HECTD4: variants seen among roughly 807,000 people sequenced by gnomAD.
HECTD4 encodes the protein HECT domain E3 ubiquitin protein ligase 4.
HECTD4 carries 114 observed loss-of-function variants against 471.5 expected under a neutral mutation model. The ratio of observed to expected loss-of-function variants is 0.24; its 90% CI spans 0.21 to 0.28. HECTD4 has a LOEUF of 0.28. Among genes scored for constraint, HECTD4 ranks in the 10% least tolerant of loss-of-function variants. The pLI is 1.00. For missense variants in HECTD4, 3,866 were observed against 5,651.5 expected (o/e 0.68, Z 10.13); for synonymous variants, 2,012 against 2,256.0 (o/e 0.89, Z 3.07).
chr12:112,270,598 A>G, intron 11 of HECTD4, 139 bp from the exon 12 acceptor site: 1 of 710,422 alleles, frequency 1.4e-6, no homozygotes, highest in Non-Finnish European at 2.4e-6. Flanking sequence ...GCTGCCAGAG[A>G]ACGCTTCTCC....
At chr12:112,299,272 A>C (rs1245338449) in intron 7 of HECTD4, among the ~76,000 whole-genome samples, 3 of 152,122 alleles carry the variant, frequency 2.0e-5, no homozygotes. Flanking sequence ...TTCACTAAGC[A>C]TCTTTAAAAA....
At chr12:112,288,881 C>A (rs772693349) in intron 7 of HECTD4, among the ~76,000 whole-genome samples, 6 of 152,120 alleles carry the variant, frequency 3.9e-5, no homozygotes, top group Non-Finnish European at 8.8e-5. Flanking sequence ...CCCAGCTGAG[C>A]CCCATCAACC....
chr12:112,363,992 C>CAAAAAA (rs1175386198), intron 1 of HECTD4, among the ~76,000 whole-genome samples: 5 of 52,860 alleles, frequency 9.5e-5, no homozygotes, highest in Non-Finnish European at 1.8e-4. Context: ...ACTCAATCTC[C>CAAAAAA]AAAAAAAAAA....
chr12:112,200,117 G>C (rs1349447519), intron 55 of HECTD4, among the ~76,000 whole-genome samples: 1 of 151,992 alleles, frequency 6.6e-6, no homozygotes, highest in South Asian at 2.1e-4. Flanking sequence ...ATCACAGCAG[G>C]GTGCATGTTG....
At chr12:112,318,986 T>C (rs147206169) in intron 2 of HECTD4, among the ~76,000 whole-genome samples, 15 of 152,386 alleles carry the variant, frequency 9.8e-5, no homozygotes, top group African/African-American at 3.4e-4. Flanking sequence ...CTGGTTAAGA[T>C]GTTATCATGG....
rs1483768915 is a variant in HECTD4 at position 112,276,763 on chromosome 12, TGG to T, written c.1688-1805_1688-1804del. Reference sequence around the variant, plus strand: ...CTGGCCAAAAAACCCAATCTTTAAATGGATAAAAGACTTTGGAGGAATAGATA... The same window carrying T: ...CTGGCCAAAAAACCCAATCTTTAAATATAAAAGACTTTGGAGGAATAGATA... On this transcript the variant is annotated intron_variant, in intron 9 of 75. Transcript: ENST00000682272. Among the ~76,000 whole-genome samples, 44 of 152,190 alleles carry T rather than the reference TGG, an allele frequency of 2.9e-4. No individual in the cohort carries two copies. In the East Asian group the frequency reaches 5.0e-3, roughly 17 times the overall value.
At chr12:112,251,571 A>G (rs140453745) in intron 23 of HECTD4, among the ~76,000 whole-genome samples, 140 of 152,288 alleles carry the variant, frequency 9.2e-4, no homozygotes, top group African/African-American at 3.0e-3. Flanking sequence ...TGTGCCAGCC[A>G]TTGTTCTAGG....
At chr12:112,204,070 CCTTG>C (rs2032505858) in intron 53 of HECTD4, among the ~76,000 whole-genome samples, 1 of 152,150 alleles carries the variant, frequency 6.6e-6, no homozygotes, top group South Asian at 2.1e-4. Flanking sequence ...TGAGACAGAG[CCTTG>C]CTCTGTGGCC....
At chr12:112,260,619 C>T (rs2034123675) in intron 18 of HECTD4, among the ~76,000 whole-genome samples, 1 of 152,080 alleles carries the variant, frequency 6.6e-6, no homozygotes, top group Middle Eastern at 3.4e-3. Context: ...CTCTGTCACC[C>T]AGGCTGGAGT....
At chr12:112,296,749 A>G (rs924555637) in intron 7 of HECTD4, among the ~76,000 whole-genome samples, 1,356 of 66,792 alleles carry the variant, frequency 0.02, no homozygotes, top group Middle Eastern at 0.11. Context: ...GAGGGTATAG[A>G]TGCAGTGGAT....
At position 112,309,584 on chromosome 12, in the gene HECTD4, T is replaced by C. The variant is rs1225991538; in HGVS notation, c.1002A>G (p.Gly334=). ...NSVGRGVSKL[G]SGLHGTLRGF... ...ACCTGAGAGTACCATGTAATCCAGA[T>C]CCCAATTTGCTTACTCCTCTTCCAA... Residue 334 remains glycine, a synonymous_variant, in exon 5 of 76, where the codon GGA becomes GGG. Coordinates refer to ENST00000682272, the MANE Select transcript of HECTD4 (RefSeq NM_001388303.1). 6.6e-7 allele frequency: 1 copy of C among 1,515,730 alleles called. No homozygotes were observed. 93.9% of individuals were successfully genotyped at this position (1,515,730 alleles called of 1,614,324 possible). A position where few individuals can be genotyped will look rare whatever the true frequency, so the allele number is the denominator to read the frequency against.
At position 112,162,313 on chromosome 12, in the gene HECTD4, G is replaced by T; in HGVS notation, c.*74C>A. On this transcript the variant is annotated 3_prime_UTR_variant, in exon 76 of 76. Coordinates refer to ENST00000682272, the MANE Select transcript of HECTD4 (RefSeq NM_001388303.1). The surrounding 1 kb of genome is among the most constrained non-coding windows in gnomAD (Gnocchi z 5.2). The stretch of plus-strand genomic sequence containing the variant: ...TCCTCACGCAGGGCCCTGGAGGGAC[G>T]GGCCGCAGTGGTGGCTTCCCAAGCC... 6 of 1,584,434 alleles carry T rather than the reference G, an allele frequency of 3.8e-6. No homozygotes were observed. The highest frequency in any genetic ancestry group is 1.1e-5 in the South Asian group (1 of 89,696).
chr12:112,207,196 T>A (rs1488068327), intron 52 of HECTD4, among the ~76,000 whole-genome samples: 1 of 152,082 alleles, frequency 6.6e-6, no homozygotes, highest in Non-Finnish European at 1.5e-5. Flanking sequence ...CAGGCTGGAG[T>A]GCAGTGGCAC....
chr12:112,362,384 A>G (rs923263410), intron 1 of HECTD4, among the ~76,000 whole-genome samples: 5 of 152,158 alleles, frequency 3.3e-5, no homozygotes, highest in Non-Finnish European at 7.3e-5. Flanking sequence ...CTGGTGGACT[A>G]TTGCCTTATG....
chr12:112,193,082 C>A lies in HECTD4; in HGVS notation c.9065G>T (p.Ser3022Ile), dbSNP rs906859230. The part of the protein sequence containing the change: ...AAFVVVSCKE[S>I]QSGFRKDSSL... ...TTACTCTTTGCGGAATCCAGATTGA[C>A]TTTCTTTACAAGACACAACAACAAA... The change falls in exon 58 of 76, where the codon AGT becomes ATT. Residue 3022 changes from serine (S) to isoleucine (I), a missense_variant. By Grantham distance (142) the Ser-to-Ile change is moderately radical. Around this residue, in one of 16 missense-constraint regions of HECTD4, gnomAD observed 364 missense variants for 413.2 expected, o/e 0.88. Coordinates refer to ENST00000682272, the MANE Select transcript of HECTD4 (RefSeq NM_001388303.1). The surrounding 1 kb of genome is among the most constrained non-coding windows in gnomAD (Gnocchi z 5.2). 1.2e-6 allele frequency: 2 copies of A among 1,614,040 alleles called. No individual in the cohort carries two copies. The highest frequency in any genetic ancestry group is 2.7e-5 in the African/African-American group (2 of 75,062).
At chr12:112,371,270 C>T (rs1264342652) in intron 1 of HECTD4, among the ~76,000 whole-genome samples, 1 of 152,156 alleles carries the variant, frequency 6.6e-6, no homozygotes, top group African/African-American at 2.4e-5. Context: ...ACACTGCAAA[C>T]AAATTGAGAA....
intron 7 of HECTD4, among the ~76,000 whole-genome samples, chr12:112,294,990 C>A (rs538775319): frequency 6.6e-6 from 1 of 151,854 alleles, no homozygotes; most frequent in South Asian, 2.1e-4. Context: ...ATTTAATAAG[C>A]TTCTACTGTG....
chr12:112,253,929 T>C, intron 22 of HECTD4, 114 bp downstream of exon 22: 1 of 1,160,972 alleles, frequency 8.6e-7, no homozygotes, highest in South Asian at 1.6e-5. Flanking sequence ...TGGCTCCACC[T>C]CAACAAAAGC....
Position 112,233,088 on chromosome 12 carries a change from G to GA in HECTD4, c.5916-4dup. On this transcript the variant is annotated splice_polypyrimidine_tract_variant and splice_region_variant and intron_variant, in intron 37 of 75. Transcript: ENST00000682272. ...GGAAGGGCCGTCCTTCTGAACTACT[G>GA]AAAAAAGGCAGGCAGAGAACACAGC... 6.2e-7 allele frequency: 1 copy of GA among 1,603,352 alleles called. No homozygotes were observed. Among genetic ancestry groups the GA allele is most frequent in the Non-Finnish European group, 8.5e-7 (1 of 1,174,946 alleles).
Sources: allele counts gnomAD v4.1 joint callset (sites outside exome capture counted in the v4.1 genomes callset), GRCh38; gene constraint gnomAD v4.1.1; regional missense constraint gnomAD v4.1.1; non-coding constraint Gnocchi (gnomAD v3.1); transcripts MANE v1.5; gene names NCBI Gene and HGNC (gene_info 2026-07-23, HGNC 2026-07-21).